Variants in C8orf76 observed in about 807,000 individuals in gnomAD.
The protein encoded by C8orf76 is chromosome 8 open reading frame 76.
Under a neutral mutation model 38.1 loss-of-function variants are expected in C8orf76, and 46 were observed. The observed-to-expected ratio is 1.21, with a 90% CI of 0.95 to 1.54. C8orf76 has a LOEUF of 1.54. C8orf76 is among the 40% of genes most tolerant of loss of function. The pLI, the probability that C8orf76 is intolerant of heterozygous loss-of-function variation, is 0.00. For missense variants in C8orf76, 461 were observed against 441.6 expected (o/e 1.04, Z -0.39); for synonymous variants, 166 against 167.5 (o/e 0.99, Z 0.07).
rs1825516354 is a variant in C8orf76, at chr8:123,237,015, T to A, written c.357+783A>T. ...GGCCGCACTCTCTCAGACTACAACA[T>A]CCAGAAGGAGTCCACCCTGCACCTG... On this transcript the variant is annotated intron_variant, in intron 3 of 5. Transcript: ENST00000276704. 7 of 1,509,608 alleles carry A rather than the reference T, an allele frequency of 4.6e-6. No homozygotes were observed. The Admixed American group carries it at 1.2e-4, about 25-fold the overall frequency. 93.5% of individuals were successfully genotyped at this position (1,509,608 alleles called of 1,614,324 possible).
chr8:123,237,723 T>C, intron 3 of C8orf76, 75 bp downstream of exon 3: 5 of 1,499,066 alleles, frequency 3.3e-6, no homozygotes, highest in Non-Finnish European at 4.5e-6. Context: ...AAGAAGTTTG[T>C]TTTGTTTTCA....
intron 3 of C8orf76, among the ~76,000 whole-genome samples, chr8:123,237,358 TA>T (rs899203649): frequency 6.6e-6 from 1 of 152,020 alleles, no homozygotes; most frequent in Non-Finnish European, 1.5e-5. Flanking sequence ...CACTTAAAAA[TA>T]AAAAGGACTA....
chr8:123,227,447 T>C (rs1034675326), intron 4 of C8orf76, among the ~76,000 whole-genome samples: 6 of 151,968 alleles, frequency 3.9e-5, no homozygotes, highest in African/African-American at 1.2e-4. Context: ...AGGAGGGAGA[T>C]AGCACATAAG....
chr8:123,236,754 A>T (rs1236767067), intron 3 of C8orf76: 3 of 457,378 alleles, frequency 6.6e-6, no homozygotes, highest in African/African-American at 6.0e-5. Context: ...ACTGCACTCC[A>T]GCCTGGGTGA....
chr8:123,234,461 C>T (rs1419466895), intron 3 of C8orf76, among the ~76,000 whole-genome samples: 1 of 152,096 alleles, frequency 6.6e-6, no homozygotes, highest in Non-Finnish European at 1.5e-5. Flanking sequence ...ATGGTGAAAC[C>T]CTGTCTCTAT....
chr8:123,239,165 CT>C, intron 1 of C8orf76, 21 bp from the exon 2 acceptor site: 1 of 1,611,142 alleles, frequency 6.2e-7, no homozygotes, highest in Non-Finnish European at 8.5e-7. Context: ...TGAAAATAGC[CT>C]ATTACAGAGT....
At position 123,231,718 on chromosome 8, in the gene C8orf76, G is replaced by C. The variant is rs1334945318; in HGVS notation, c.397C>G (p.Leu133Val). 6 of 1,611,536 alleles carry C rather than the reference G, an allele frequency of 3.7e-6. No homozygotes were observed. Among genetic ancestry groups the C allele is most frequent in the Non-Finnish European group, 1.7e-6 (2 of 1,179,994 alleles). Residue 133 changes from leucine (L) to valine (V), a missense_variant, in exon 4 of 6, where the codon CTC becomes GTC. Leu to Val is a conservative substitution (Grantham distance 32, BLOSUM62 1). Coordinates refer to ENST00000276704, the MANE Select transcript of C8orf76 (RefSeq NM_032847.3). ...ATNTDHLTTV[L>V]YLQLAICSSL... ...GAACAAATAGCAAGCTGGAGGTAGA[G>C]TACCGTGGTTAAATGGTCTGTGTTG...
intron 4 of C8orf76, among the ~76,000 whole-genome samples, chr8:123,228,068 G>A (rs771047181): frequency 1.6e-4 from 24 of 152,060 alleles, no homozygotes; most frequent in African/African-American, 3.9e-4. Context: ...CTATCTCAGC[G>A]GAAGGCACCA....
chr8:123,229,139 G>A (rs756260048), intron 4 of C8orf76, among the ~76,000 whole-genome samples: 25 of 152,210 alleles, frequency 1.6e-4, no homozygotes, highest in African/African-American at 5.1e-4. Context: ...GTTCTAGAAC[G>A]GATCCTCTGC....
In C8orf76 at chr8:123,220,196, TGAG is replaced by T; in HGVS notation, c.1047_1049del (p.Ser350del). The T allele has an allele frequency of 3.7e-6, 6 of 1,614,114 alleles. No individual in the cohort carries two copies. Among genetic ancestry groups the T allele is most frequent in the Non-Finnish European group, 5.1e-6 (6 of 1,179,982 alleles). On this transcript the variant is annotated inframe_deletion, in exon 6 of 6. Transcript: ENST00000276704. ...TGAACCACTTGTCTTCAAATTCTTCTGAGGATACAGTCACCAAGGCAGTCAGGG... is the reference window on the plus strand; with the variant it reads ...TGAACCACTTGTCTTCAAATTCTTCTGATACAGTCACCAAGGCAGTCAGGG...
intron 4 of C8orf76, 115 bp from the exon 5 acceptor site, chr8:123,226,747 C>A: frequency 6.9e-7 from 1 of 1,439,656 alleles, no homozygotes; most frequent in Non-Finnish European, 9.1e-7. Context: ...CAAGTCCCAC[C>A]AGGTTAAAAA....
At chr8:123,223,624 C>CA (rs2131131630) in intron 5 of C8orf76, among the ~76,000 whole-genome samples, 1 of 151,896 alleles carries the variant, frequency 6.6e-6, no homozygotes, top group African/African-American at 2.4e-5. Context: ...AAAAAACAAA[C>CA]AAAAAAGGAG....
intron 4 of C8orf76, among the ~76,000 whole-genome samples, chr8:123,227,336 A>C (rs1825083839): frequency 6.6e-6 from 1 of 151,694 alleles, no homozygotes; most frequent in African/African-American, 2.4e-5. Flanking sequence ...CAATGCCCAG[A>C]AGCACTGGCT....
At position 123,220,460 on chromosome 8, in the gene C8orf76, G is replaced by A. The variant is rs139824212; in HGVS notation, c.949-163C>T. On this transcript the variant is annotated intron_variant, in intron 5 of 5. Coordinates refer to ENST00000276704, the MANE Select transcript of C8orf76 (RefSeq NM_032847.3). ...GATGTTTGTTCAGAAGTAGTTATCC[G>A]TCTATGGCCATACCACCCTGACTGT... Among the ~76,000 whole-genome samples, 470 of 152,172 alleles carry A rather than the reference G, an allele frequency of 3.1e-3. 2 individuals carry two copies. The highest frequency in any genetic ancestry group is 0.011 in the African/African-American group (447 of 41,446).
chr8:123,239,000 T>G (rs564921490), intron 2 of C8orf76, 49 bp downstream of exon 2: 3 of 1,575,048 alleles, frequency 1.9e-6, no homozygotes, highest in Non-Finnish European at 2.6e-6. Context: ...ACATATGCCA[T>G]AACTGATAAA....
intron 3 of C8orf76, chr8:123,236,936 G>A (rs567912679): frequency 6.8e-7 from 1 of 1,465,808 alleles, no homozygotes; most frequent in Admixed American, 1.7e-5. Context: ...GGACAAGGAG[G>A]GCATCCCACC....
At chr8:123,238,036 G>A (rs1438042775) in intron 2 of C8orf76, 95 bp from the exon 3 acceptor site, 1 of 1,402,228 alleles carries the variant, frequency 7.1e-7, no homozygotes, top group Non-Finnish European at 9.5e-7. Flanking sequence ...TAGGTGGAAA[G>A]TAATGTTATA....
At chr8:123,226,701 G>C in intron 4 of C8orf76, 69 bp from the exon 5 acceptor site, 1 of 1,512,870 alleles carries the variant, frequency 6.6e-7, no homozygotes, top group South Asian at 1.4e-5. Flanking sequence ...AAAGCCGCGA[G>C]GAAATGTTCA....
intron 5 of C8orf76, among the ~76,000 whole-genome samples, chr8:123,222,220 G>A (rs1288551985): frequency 1.3e-5 from 2 of 152,126 alleles, no homozygotes; most frequent in Admixed American, 6.5e-5. Flanking sequence ...ATCTGACCTC[G>A]TGATCCACCC....
Sources: gnomAD v4.1 joint callset for allele counts (sites outside exome capture counted in the v4.1 genomes callset) on GRCh38, gnomAD v4.1.1 for gene constraint, MANE v1.5 for transcripts, NCBI Gene and HGNC (gene_info 2026-07-23, HGNC 2026-07-21) for gene names.